DNASE1: variants seen among roughly 807,000 people sequenced by gnomAD.
The protein encoded by DNASE1 is deoxyribonuclease 1.
DNASE1 carries 40 observed loss-of-function variants against 33.9 expected under a neutral mutation model. The ratio of observed to expected loss-of-function variants is 1.18; its 90% CI spans 0.92 to 1.54. The LOEUF (loss-of-function observed/expected upper bound fraction) is 1.54. Among genes scored for constraint, DNASE1 ranks in the 40% most tolerant of loss-of-function variants. DNASE1 has a pLI of 0.00. For missense variants in DNASE1, 518 were observed against 372.6 expected, an observed-to-expected ratio of 1.39 and a Z score of -3.21; for synonymous variants, 216 against 160.0, an observed-to-expected ratio of 1.35 and a Z score of -2.64.
chr16:3,645,925 G>C (rs17794125), intron 1 of DNASE1, among the ~76,000 whole-genome samples: 1 of 152,190 alleles, frequency 6.6e-6, no homozygotes, highest in African/African-American at 2.4e-5. Flanking sequence ...TTAAAACACT[G>C]TCACGGCAAA....
chr16:3,615,282 T>C (rs1403155671), intron 1 of DNASE1, among the ~76,000 whole-genome samples: 2 of 152,188 alleles, frequency 1.3e-5, no homozygotes, highest in Non-Finnish European at 2.9e-5. Flanking sequence ...TTTCCAATTA[T>C]ACATAATTCC....
chr16:3,632,279 C>A lies in DNASE1; in HGVS notation c.-1358-8436C>A, dbSNP rs561764432. Among the ~76,000 whole-genome samples the A allele has an allele frequency of 2.0e-5, 3 of 152,306 alleles. No individual in the cohort carries two copies. In the East Asian group the frequency reaches 5.8e-4, roughly 29 times the overall value. On this transcript the variant is annotated intron_variant and NMD_transcript_variant, in intron 1 of 11. Transcript: ENST00000570769. ...CATTATGTCCTTACTGATTTTCTGC[C>A]TGCTGGATCTGTCCACTTTGATAGA...
intron 1 of DNASE1, among the ~76,000 whole-genome samples, chr16:3,623,002 G>A (rs952340657): frequency 6.6e-6 from 1 of 151,998 alleles, no homozygotes; most frequent in Non-Finnish European, 1.5e-5. Flanking sequence ...GACCAGCCTC[G>A]GCAACATAGT....
downstream of DNASE1, chr16:3,660,240 C>G (rs1453863174): frequency 6.6e-6 from 1 of 152,242 alleles, no homozygotes; most frequent in Non-Finnish European, 1.5e-5. Flanking sequence ...TACAAAAGCC[C>G]TAATGCTGGC....
At chr16:3,662,609 G>A, downstream of DNASE1, 1 of 649,414 alleles carries the variant, frequency 1.5e-6, no homozygotes, top group Non-Finnish European at 2.9e-6. Context: ...CACGTCCTCA[G>A]CCATTGCAGC....
intron 1 of DNASE1, among the ~76,000 whole-genome samples, chr16:3,643,205 G>A (rs1487860039): frequency 2.0e-5 from 3 of 152,246 alleles, no homozygotes; most frequent in Non-Finnish European, 2.9e-5. Context: ...CTGCCGAGGC[G>A]GCTGGACCTG....
chr16:3,657,300 C>T lies in DNASE1; in HGVS notation c.663C>T (p.Ser221=), dbSNP rs373492852. The part of the protein sequence containing the change: ...SPTFQWLIPD[S]ADTTATPTHC... Reference sequence around the variant, plus strand: ...CCTTCCAGTGGCTGATCCCCGACAGCGCTGACACCACAGCTACACCCACGC... The same window carrying T: ...CCTTCCAGTGGCTGATCCCCGACAGTGCTGACACCACAGCTACACCCACGC... The change falls in exon 7 of 9, where the codon AGC becomes AGT. Residue 221 remains serine (S), a synonymous_variant. Coordinates refer to ENST00000246949, the MANE Select transcript of DNASE1 (RefSeq NM_005223.4). 3.8e-4 allele frequency: 616 copies of T among 1,613,868 alleles called. 11 individuals carry two copies. In the South Asian group the frequency reaches 6.0e-3, roughly 16 times the overall value.
intron 1 of DNASE1, among the ~76,000 whole-genome samples, chr16:3,624,923 C>G (rs918552921): frequency 6.6e-6 from 1 of 152,146 alleles, no homozygotes; most frequent in Admixed American, 6.5e-5. Context: ...TCGTCTCGAA[C>G]TGGGCTCAAG....
chr16:3,661,144 T>C (rs2043051890), downstream of DNASE1: 1 of 152,014 alleles, frequency 6.6e-6, no homozygotes, highest in Non-Finnish European at 1.5e-5. Context: ...ATAAGACACA[T>C]CAAAGAATAA....
At chr16:3,655,612 G>C in intron 2 of DNASE1, 92 bp downstream of exon 2, 1 of 1,584,824 alleles carries the variant, frequency 6.3e-7, no homozygotes, top group Non-Finnish European at 8.6e-7. Flanking sequence ...ACAGGGTGTC[G>C]GGTGTGGGGT....
At chr16:3,628,355 TTTACA>T (rs2041586089) in intron 1 of DNASE1, among the ~76,000 whole-genome samples, 1 of 152,188 alleles carries the variant, frequency 6.6e-6, no homozygotes, top group Non-Finnish European at 1.5e-5. Context: ...GGCCTAGTTT[TTTACA>T]TATCATATTA....
chr16:3,664,630 C>A, exon 10 of DNASE1: 1 of 661,164 alleles, frequency 1.5e-6, no homozygotes, highest in South Asian at 2.2e-5. Context: ...CCTTGCTCTG[C>A]CCATCAGGCC....
intron 1 of DNASE1, among the ~76,000 whole-genome samples, chr16:3,622,069 C>T (rs544836563): frequency 1.1e-4 from 16 of 152,148 alleles, no homozygotes; most frequent in African/African-American, 3.9e-4. Context: ...AAAAATATAA[C>T]ATTAGCTGGG....
At chr16:3,657,601 T>A (rs1316271098) in intron 7 of DNASE1, 119 bp from the exon 8 acceptor site, 3 of 1,416,432 alleles carry the variant, frequency 2.1e-6, no homozygotes, top group Non-Finnish European at 2.9e-6. Flanking sequence ...GGTGTGCAGT[T>A]TTGGGCACCC....
At chr16:3,624,375 A>C (rs913715526) in intron 1 of DNASE1, among the ~76,000 whole-genome samples, 3 of 150,928 alleles carry the variant, frequency 2.0e-5, no homozygotes, top group Admixed American at 6.6e-5. Flanking sequence ...TAGAGTTTTT[A>C]TTTTTACATT....
chr16:3,625,151 C>G (rs563570798), intron 1 of DNASE1, among the ~76,000 whole-genome samples: 1 of 152,016 alleles, frequency 6.6e-6, no homozygotes, highest in African/African-American at 2.4e-5. Context: ...TACTAAAATA[C>G]AAAAGTTAGC....
downstream of DNASE1, chr16:3,658,372 C>G (rs577889907): frequency 5.1e-5 from 35 of 687,934 alleles, no homozygotes; most frequent in Non-Finnish European, 6.6e-5. Context: ...GTGATCCCCC[C>G]GCCTCCCAAA....
At chr16:3,654,563 ACATACCTGGCC>A, upstream of DNASE1, 1 of 394,580 alleles carries the variant, frequency 2.5e-6, no homozygotes, top group South Asian at 1.3e-4. Flanking sequence ...ACCCTCCCGC[ACATACCTGGCC>A]CATCCCTGCC....
chr16:3,618,594 G>C (rs543344844), intron 1 of DNASE1, among the ~76,000 whole-genome samples: 2 of 152,294 alleles, frequency 1.3e-5, no homozygotes, highest in South Asian at 2.1e-4. Context: ...GCCGGGCTTG[G>C]TGGTGGGTGC....
Sources: allele counts gnomAD v4.1 joint callset (sites outside exome capture counted in the v4.1 genomes callset), GRCh38; gene constraint gnomAD v4.1.1; transcripts MANE v1.5; gene names NCBI Gene and HGNC (gene_info 2026-07-23, HGNC 2026-07-21).